TGFBRAP1: variants seen among roughly 807,000 people sequenced by gnomAD.
TGFBRAP1 encodes the protein transforming growth factor-beta receptor-associated protein 1.
A neutral mutation model predicts 83.2 loss-of-function variants in TGFBRAP1; 20 were observed. The ratio of observed to expected loss-of-function variants is 0.24; its 90% confidence interval spans 0.17 to 0.35. The LOEUF (loss-of-function observed/expected upper bound fraction) is 0.35. Among genes scored for constraint, TGFBRAP1 ranks in the 10% least tolerant of loss-of-function variants. The pLI is 1.00. For missense variants in TGFBRAP1, 950 were observed against 1,099.4 expected (o/e 0.86, Z 1.92); for synonymous variants, 415 against 459.8 (o/e 0.90, Z 1.25).
At chr2:105,327,476 G>A (rs1436145842) in intron 1 of TGFBRAP1, among the ~76,000 whole-genome samples, 2 of 152,064 alleles carry the variant, frequency 1.3e-5, no homozygotes, top group African/African-American at 2.4e-5. Context: ...GCTGAGGTGG[G>A]AGGATCCCTT....
intron 9 of TGFBRAP1, 35 bp from the exon 10 acceptor site, chr2:105,273,049 G>A (rs1677215749): frequency 1.3e-6 from 2 of 1,597,194 alleles, no homozygotes; most frequent in Middle Eastern, 3.4e-4. Context: ...CAGACAGACA[G>A]TGTTTTCAAG....
intron 2 of TGFBRAP1, among the ~76,000 whole-genome samples, chr2:105,299,631 G>A (rs571985149): frequency 1.3e-4 from 19 of 151,782 alleles, no homozygotes; most frequent in Middle Eastern, 3.4e-3. Context: ...GCAGTGGTGC[G>A]TGTCTATAAT....
At chr2:105,304,748 A>T (rs1442171716) in intron 2 of TGFBRAP1, among the ~76,000 whole-genome samples, 1 of 152,318 alleles carries the variant, frequency 6.6e-6, no homozygotes, top group African/African-American at 2.4e-5. Context: ...GCACCACTGC[A>T]CTCCAGCCTG....
Position 105,267,484 on chromosome 2 carries a change from G to C in TGFBRAP1, c.2482C>G (p.Pro828Ala). ...CCATTTGGGTATCTAACAAACACAGGCTCACAAAAGGGATTTTGGCATATC... is the reference window on the plus strand; with the variant it reads ...CCATTTGGGTATCTAACAAACACAGCCTCACAAAAGGGATTTTGGCATATC... ...CQICQNPFCEPVFVRYPNGGL... is the reference protein window; with the variant it reads ...CQICQNPFCEAVFVRYPNGGL... The change falls in exon 12 of 12, where the codon CCT becomes GCT. Residue 828 changes from proline (P) to alanine (A), a missense_variant. Pro to Ala is a conservative substitution (Grantham distance 27). Transcript: ENST00000393359. The C allele has an allele frequency of 1.2e-6, 2 of 1,614,216 alleles. No homozygotes were observed. The highest frequency in any genetic ancestry group is 1.7e-5 in the Admixed American group (1 of 60,028).
chr2:105,285,058 C>T (rs994318329), intron 4 of TGFBRAP1, among the ~76,000 whole-genome samples: 7 of 152,212 alleles, frequency 4.6e-5, no homozygotes, highest in African/African-American at 9.7e-5. Context: ...CGCCCCACTC[C>T]GTCACCGTCC....
At chr2:105,299,470 T>C (rs760547964) in intron 2 of TGFBRAP1, among the ~76,000 whole-genome samples, 7 of 152,106 alleles carry the variant, frequency 4.6e-5, no homozygotes, top group Non-Finnish European at 8.8e-5. Context: ...CATGGTCACA[T>C]GGACACCAAT....
Position 105,275,553 on chromosome 2 carries a change from C to A in TGFBRAP1, c.1665+7G>T, listed in dbSNP as rs2104322814. The A allele has an allele frequency of 6.2e-7, 1 of 1,613,496 alleles. No homozygotes were observed. The highest frequency in any genetic ancestry group is 1.1e-5 in the South Asian group (1 of 90,848). ...CCAAAGAGAATGCATTTTTACGAAG[C>A]ACAAACCTCTTCACTTTTCTGCAGG... On this transcript the variant is annotated splice_region_variant and intron_variant, in intron 8 of 11. Coordinates refer to ENST00000393359, the MANE Select transcript of TGFBRAP1 (RefSeq NM_004257.6).
downstream of TGFBRAP1, among the ~76,000 whole-genome samples, chr2:105,261,131 T>C (rs988841996): frequency 6.6e-6 from 1 of 152,116 alleles, no homozygotes. Context: ...GTTGGTGGGG[T>C]TTTACCATAA....
chr2:105,268,122 G>A (rs1175076496), intron 11 of TGFBRAP1, among the ~76,000 whole-genome samples: 1 of 152,184 alleles, frequency 6.6e-6, no homozygotes, highest in Non-Finnish European at 1.5e-5. Context: ...AGTTCTGAAA[G>A]TTATAAAGTT....
chr2:105,305,203 C>A (rs1297956481), intron 2 of TGFBRAP1, among the ~76,000 whole-genome samples: 1 of 152,088 alleles, frequency 6.6e-6, no homozygotes, highest in Admixed American at 6.6e-5. Flanking sequence ...AAAATAAAGT[C>A]TATTTTTTTA....
intron 1 of TGFBRAP1, among the ~76,000 whole-genome samples, chr2:105,326,572 A>T (rs943172555): frequency 2.0e-5 from 3 of 152,186 alleles, no homozygotes; most frequent in African/African-American, 7.2e-5. Flanking sequence ...TACAAAAATT[A>T]GCCGGGCATG....
At chr2:105,274,256 C>G (rs1677261282) in intron 8 of TGFBRAP1, among the ~76,000 whole-genome samples, 1 of 152,182 alleles carries the variant, frequency 6.6e-6, no homozygotes, top group African/African-American at 2.4e-5. Flanking sequence ...AGTGGAGGCA[C>G]TGGTCCAATC....
intron 4 of TGFBRAP1, among the ~76,000 whole-genome samples, chr2:105,284,766 T>G (rs1197306626): frequency 6.6e-6 from 1 of 152,112 alleles, no homozygotes; most frequent in Non-Finnish European, 1.5e-5. Flanking sequence ...GTACCACCTT[T>G]CAGAGCATCC....
chr2:105,271,082 T>C (rs931120234), intron 10 of TGFBRAP1, among the ~76,000 whole-genome samples: 1 of 152,248 alleles, frequency 6.6e-6, no homozygotes, highest in African/African-American at 2.4e-5. Flanking sequence ...TTATACCTAA[T>C]GACTGCTCAT....
chr2:105,304,075 CA>C (rs1453476399), intron 2 of TGFBRAP1, among the ~76,000 whole-genome samples: 1 of 152,114 alleles, frequency 6.6e-6, no homozygotes, highest in Admixed American at 6.5e-5. Flanking sequence ...TATATATTTA[CA>C]TCGATTATGG....
At chr2:105,313,218 G>A (rs1197190798) in intron 1 of TGFBRAP1, among the ~76,000 whole-genome samples, 2 of 152,202 alleles carry the variant, frequency 1.3e-5, no homozygotes, top group African/African-American at 4.8e-5. Context: ...GGCTACACAT[G>A]GGGTGGGCGC....
At chr2:105,278,836 C>G (rs1677436265) in intron 6 of TGFBRAP1, among the ~76,000 whole-genome samples, 1 of 152,006 alleles carries the variant, frequency 6.6e-6, no homozygotes, top group South Asian at 2.1e-4. Context: ...TCCCACCATC[C>G]CTTGTCACTA....
intron 9 of TGFBRAP1, 59 bp from the exon 10 acceptor site, chr2:105,273,073 G>A (rs1485693332): frequency 1.3e-6 from 2 of 1,579,716 alleles, no homozygotes; most frequent in Non-Finnish European, 1.7e-6. Context: ...GAAAGTCAAA[G>A]CTCTCCCCTG....
downstream of TGFBRAP1, among the ~76,000 whole-genome samples, chr2:105,263,592 G>A (rs992030206): frequency 4.3e-5 from 5 of 115,618 alleles, no homozygotes; most frequent in African/African-American, 1.0e-4. Flanking sequence ...CAGAATACTC[G>A]GGGGGCCAAG....
Sources: gnomAD v4.1 joint callset for allele counts (sites outside exome capture counted in the v4.1 genomes callset) on GRCh38, gnomAD v4.1.1 for gene constraint, MANE v1.5 for transcripts, NCBI Gene and HGNC (gene_info 2026-07-23, HGNC 2026-07-21) for gene names.